LMNB2: variants seen among roughly 807,000 people sequenced by gnomAD.
The protein encoded by LMNB2 is lamin B2.
LMNB2 carries 17 observed loss-of-function variants against 69.3 expected under a neutral mutation model. The ratio of observed to expected loss-of-function variants is 0.25; its 90% CI spans 0.17 to 0.37. LMNB2 has a LOEUF of 0.37. Among genes scored for constraint, LMNB2 ranks in the 10% least tolerant of loss-of-function variants. LMNB2 has a pLI of 1.00. For missense variants in LMNB2, 789 were observed against 883.6 expected (o/e 0.89, Z 1.36); for synonymous variants, 397 against 389.3 (o/e 1.02, Z -0.23).
intron 11 of LMNB2, 125 bp downstream of exon 11, chr19:2,431,421 CCT>C: frequency 8.0e-7 from 1 of 1,249,448 alleles, no homozygotes; most frequent in Non-Finnish European, 1.2e-6. Flanking sequence ...CTGGCTTCAC[CCT>C]GAGCCACGGC....
rs1971971357 is a variant in LMNB2, at chr19:2,447,621, A to G, written c.265-3081T>C. ...AGGAGGACCGGAGGATGGTAGGCGG[A>G]ACCAGGCCCAGCACCACCCGCTAGA... On this transcript the variant is annotated intron_variant, in intron 1 of 11. Transcript: ENST00000325327. The surrounding 1 kb of genome is among the most constrained non-coding windows in gnomAD (Gnocchi z 4.4). 6.6e-6 allele frequency among the ~76,000 whole-genome samples: 1 copy of G among 152,170 alleles called. No individual in the cohort carries two copies. The highest frequency in any genetic ancestry group is 1.5e-5 in the Non-Finnish European group (1 of 68,022).
intron 1 of LMNB2, among the ~76,000 whole-genome samples, chr19:2,450,103 T>TATACATATACATATACATATACAG (rs1972003044): frequency 7.6e-6 from 1 of 131,430 alleles, no homozygotes; most frequent in African/African-American, 3.2e-5. Context: ...TACATATACA[T>TATACATATACATATACATATACAG]ATACATATAT....
chr19:2,432,333 CGCCAAGTCCTGTGCCTCCAGT>C, intron 9 of LMNB2, 62 bp downstream of exon 9: 12 of 906,282 alleles, frequency 1.3e-5, no homozygotes, highest in Admixed American at 3.7e-5. Context: ...CACCCACCCC[CGCCAAGTCCTGTGCCTCCAGT>C]CCCCTGACCC....
At chr19:2,434,601 C>A in intron 6 of LMNB2, 86 bp from the exon 7 acceptor site, 1 of 1,527,270 alleles carries the variant, frequency 6.5e-7, no homozygotes, top group Non-Finnish European at 8.9e-7. Flanking sequence ...GATGGGCCCT[C>A]ACCACAGACT....
chr19:2,434,729 A>G, intron 6 of LMNB2, 59 bp downstream of exon 6: 2 of 1,561,398 alleles, frequency 1.3e-6, no homozygotes, highest in South Asian at 2.3e-5. Flanking sequence ...CCGCACATCC[A>G]GGGCAGGGCC....
At chr19:2,435,324 G>A (rs370512041) in intron 4 of LMNB2, among the ~76,000 whole-genome samples, 153 bp from the exon 5 acceptor site, 4 of 152,210 alleles carry the variant, frequency 2.6e-5, no homozygotes, top group Non-Finnish European at 4.4e-5. Context: ...GGTGAGAGGC[G>A]ACCCAGGGGC....
chr19:2,438,090 C>A, intron 4 of LMNB2, 73 bp downstream of exon 4: 1 of 1,603,124 alleles, frequency 6.2e-7, no homozygotes, highest in Non-Finnish European at 8.5e-7. Context: ...CCTCAGGCTT[C>A]CGCCCTCCAC....
chr19:2,432,896 C>T (rs1481367165), intron 8 of LMNB2, among the ~76,000 whole-genome samples: 2 of 84,556 alleles, frequency 2.4e-5, no homozygotes, highest in Non-Finnish European at 2.3e-5. Context: ...TCCCCTGCCT[C>T]GCATTGGCCG....
In LMNB2 at chr19:2,444,461, G is replaced by A; in HGVS notation, c.344C>T (p.Ala115Val). The change falls in exon 2 of 12, where the codon GCC (alanine) becomes GTC (valine). Residue 115 changes from alanine (A) to valine (V), a missense_variant. Ala to Val is a moderately conservative substitution (Grantham distance 64). Around this residue, in one of 3 missense-constraint regions of LMNB2, gnomAD observed 145 missense variants for 228.9 expected, o/e 0.63. Coordinates refer to ENST00000325327, the MANE Select transcript of LMNB2 (RefSeq NM_032737.4). ...CTTCCCAATCTCTATCTGCAGCCGGGCACGCTCTCGAGCCGTCTCATCCAG... is the reference window on the plus strand; with the variant it reads ...CTTCCCAATCTCTATCTGCAGCCGGACACGCTCTCGAGCCGTCTCATCCAG... ...RVLDETARER[A>V]RLQIEIGKLR... is the part of the protein sequence containing the mutation. 6 of 1,613,616 alleles carry A rather than the reference G, an allele frequency of 3.7e-6. No homozygotes were observed. Among genetic ancestry groups the A allele is most frequent in the Non-Finnish European group, 5.1e-6 (6 of 1,180,022 alleles).
chr19:2,431,029 C>T, intron 11 of LMNB2, 77 bp from the exon 12 acceptor site: 2 of 869,756 alleles, frequency 2.3e-6, no homozygotes, highest in Admixed American at 1.8e-5. Context: ...TGGCTGCCCC[C>T]ACCTCCCCAC....
chr19:2,431,339 G>A (rs1483629601), intron 11 of LMNB2, among the ~76,000 whole-genome samples: 1 of 152,166 alleles, frequency 6.6e-6, no homozygotes, highest in Admixed American at 6.5e-5. Context: ...GGTCTGTGAT[G>A]TCGCAAATTC....
Position 2,447,071 on chromosome 19 carries a change from G to A in LMNB2, c.265-2531C>T, listed in dbSNP as rs887047743. 1.4e-5 allele frequency among the ~76,000 whole-genome samples: 2 copies of A among 144,220 alleles called. No homozygotes were observed. The highest frequency in any genetic ancestry group is 3.1e-5 in the Non-Finnish European group (2 of 65,236). The allele number at this position is 144,220 out of a possible 152,430, so 94.6% of individuals were successfully genotyped here. On this transcript the variant is annotated intron_variant, in intron 1 of 11. Coordinates refer to ENST00000325327, the MANE Select transcript of LMNB2 (RefSeq NM_032737.4). The surrounding 1 kb of genome is among the most constrained non-coding windows in gnomAD (Gnocchi z 4.4). ...AGGCAGGAGAATGGCATGAACCCGGGAGGTGGAACTTGCAGTGAGCCGAGA... is the reference window on the plus strand; with the variant it reads ...AGGCAGGAGAATGGCATGAACCCGGAAGGTGGAACTTGCAGTGAGCCGAGA...
chr19:2,454,232 G>T (rs958211769), intron 1 of LMNB2, among the ~76,000 whole-genome samples: 1 of 151,054 alleles, frequency 6.6e-6, no homozygotes, highest in African/African-American at 2.4e-5. Flanking sequence ...GGCAGAGGGT[G>T]CGGGGAGCTA....
At position 2,434,377 on chromosome 19, in the gene LMNB2, A is replaced by G. The variant is rs1350684245; in HGVS notation, c.1120T>C (p.Tyr374His). The change falls in exon 7 of 12, where the codon TAC becomes CAC. Residue 374 changes from tyrosine (Y) to histidine (H), a missense_variant. Around this residue, in one of 3 missense-constraint regions of LMNB2, gnomAD observed 609 missense variants for 630.9 expected, o/e 0.97. Transcript: ENST00000325327. ...RDVMQQQLAE[Y>H]QELLDVKLAL... is the part of the protein sequence containing the mutation. ...AGCTTCACGTCCAGCAGCTCCTGGT[A>G]CTCGGCCAGCTGCTGCTGCATCACG... 2.5e-6 allele frequency: 4 copies of G among 1,612,966 alleles called. No homozygotes were observed. Among genetic ancestry groups the G allele is most frequent in the East Asian group, 2.2e-5 (1 of 44,882 alleles).
intron 2 of LMNB2, among the ~76,000 whole-genome samples, chr19:2,444,194 T>C (rs1971928345): frequency 6.6e-6 from 1 of 152,244 alleles, no homozygotes; most frequent in Non-Finnish European, 1.5e-5. Context: ...TGCCCTGCGC[T>C]TCCTGCTGTC....
chr19:2,452,953 C>CTGGGTCATCCTAATGGGGGA (rs1336201053), intron 1 of LMNB2, among the ~76,000 whole-genome samples: 1 of 91,410 alleles, frequency 1.1e-5, no homozygotes, highest in Non-Finnish European at 2.2e-5. Context: ...CTCATGGGGG[C>CTGGGTCATCCTAATGGGGGA]TGGGTCATCC....
At chr19:2,435,956 C>G (rs1599333151) in intron 4 of LMNB2, among the ~76,000 whole-genome samples, 1 of 152,054 alleles carries the variant, frequency 6.6e-6, no homozygotes, top group African/African-American at 2.4e-5. Flanking sequence ...CGAGACCAGC[C>G]TAGCCAACAT....
chr19:2,444,566 G>T (rs1971932846), intron 1 of LMNB2, 26 bp from the exon 2 acceptor site: 1 of 1,605,096 alleles, frequency 6.2e-7, no homozygotes, highest in Non-Finnish European at 8.5e-7. Context: ...ACAGGGTGAA[G>T]CGAGAGGGAC....
intron 6 of LMNB2, 129 bp downstream of exon 6, chr19:2,434,659 G>A: frequency 6.7e-7 from 1 of 1,499,870 alleles, no homozygotes; most frequent in Non-Finnish European, 8.9e-7. Context: ...GGGGAGGGAA[G>A]GGGCATCGCT....
Sources: allele counts gnomAD v4.1 joint callset (sites outside exome capture counted in the v4.1 genomes callset), GRCh38; gene constraint gnomAD v4.1.1; regional missense constraint gnomAD v4.1.1; non-coding constraint Gnocchi (gnomAD v3.1); transcripts MANE v1.5; gene names NCBI Gene and HGNC (gene_info 2026-07-23, HGNC 2026-07-21).